The following ESRRB variants were observed in gnomAD, a reference collection of about 807,000 sequenced individuals.
ESRRB encodes the protein steroid hormone receptor ERR2.
Under a neutral mutation model 46.0 loss-of-function variants are expected in ESRRB, and 16 were observed. The observed-to-expected ratio is 0.35, with a 90% confidence interval of 0.24 to 0.53. ESRRB has a LOEUF of 0.53. Ranked by LOEUF, ESRRB falls within the 20% of genes least tolerant of loss-of-function variation. The probability of loss-of-function intolerance (pLI) is 0.93; values close to 1 mark genes in which losing one functional copy is unlikely to be tolerated. For missense variants in ESRRB, 488 were observed against 607.4 expected (o/e 0.80, Z 2.07); for synonymous variants, 246 against 259.6 (o/e 0.95, Z 0.50).
chr14:76,435,795 C>T (rs185728578), intron 1 of ESRRB, among the ~76,000 whole-genome samples: 1 of 152,324 alleles, frequency 6.6e-6, no homozygotes, highest in Non-Finnish European at 1.5e-5. Flanking sequence ...CACGCCATTG[C>T]ATTCTAGGCT....
At chr14:76,336,531 G>A (rs1453575867) in intron 1 of ESRRB, among the ~76,000 whole-genome samples, 1 of 152,244 alleles carries the variant, frequency 6.6e-6, no homozygotes, top group East Asian at 1.9e-4. Flanking sequence ...TGGGCTTTCA[G>A]ACCCCCTGGT....
At position 76,439,570 on chromosome 14, in the gene ESRRB, C is replaced by A; in HGVS notation, c.280C>A (p.Arg94Ser). The A allele has an allele frequency of 6.2e-7, 1 of 1,614,110 alleles. No homozygotes were observed. Among genetic ancestry groups the A allele is most frequent in the Non-Finnish European group, 8.5e-7 (1 of 1,180,006 alleles). ...CGCCGGGCTGGGAGGCACCCCATGC[C>A]GCAAGAGCTACGAGGACTGTGCCAG... ...AGAGLGGTPC[R>S]KSYEDCASGI... Residue 94 changes from arginine (R) to serine (S), a missense_variant, in exon 2 of 7, where the codon CGC becomes AGC. Coordinates refer to ENST00000644823, the MANE Select transcript of ESRRB (RefSeq NM_001379180.1).
At chr14:76,340,977 C>T in intron 1 of ESRRB, among the ~76,000 whole-genome samples, 1 of 152,192 alleles carries the variant, frequency 6.6e-6, no homozygotes, top group Non-Finnish European at 1.5e-5. Context: ...ATCATCCCTC[C>T]TCCCAGGGTT....
chr14:76,378,457 C>T (rs534102087), intron 1 of ESRRB, among the ~76,000 whole-genome samples: 1 of 152,210 alleles, frequency 6.6e-6, no homozygotes, highest in Non-Finnish European at 1.5e-5. Context: ...CATTTATAAA[C>T]TAAGCCTGAC....
At chr14:76,375,195 T>C (rs543003915), upstream of ESRRB, among the ~76,000 whole-genome samples, 15 of 152,042 alleles carry the variant, frequency 9.9e-5, 1 homozygote, top group South Asian at 3.1e-3. Flanking sequence ...AAATTGATTA[T>C]TATCCCTGTG....
In ESRRB at chr14:76,359,906, G is replaced by A. The variant is rs551587341; in HGVS notation, c.2+48990G>A. ...CAACTGACACAGCAGAAGCCCCAAAGGCTCACGTATCTGTTATGTCTGGGC... is the reference window on the plus strand; with the variant it reads ...CAACTGACACAGCAGAAGCCCCAAAAGCTCACGTATCTGTTATGTCTGGGC... On this transcript the variant is annotated intron_variant, in intron 1 of 6. Coordinates refer to the ESRRB transcript ENST00000512784. 1.2e-4 allele frequency among the ~76,000 whole-genome samples: 19 copies of A among 152,310 alleles called. 1 individual carries two copies. The South Asian group carries it at 3.1e-3, about 25-fold the overall frequency.
At chr14:76,474,267 A>G (rs1889486121) in intron 3 of ESRRB, among the ~76,000 whole-genome samples, 1 of 152,236 alleles carries the variant, frequency 6.6e-6, no homozygotes. Context: ...CAACAGGCAG[A>G]TGAAAGGCAA....
intron 5 of ESRRB, among the ~76,000 whole-genome samples, chr14:76,490,728 G>C (rs186697893): frequency 5.9e-5 from 9 of 152,300 alleles, no homozygotes; most frequent in Admixed American, 5.9e-4. Flanking sequence ...CAGGGAGGGG[G>C]GAACTAGCAT....
At chr14:76,395,781 T>C (rs1228124075) in intron 1 of ESRRB, among the ~76,000 whole-genome samples, 1 of 142,782 alleles carries the variant, frequency 7.0e-6, no homozygotes, top group African/African-American at 2.6e-5. Context: ...TAATTAGGAG[T>C]TATTATATAT....
At chr14:76,462,453 C>A in intron 2 of ESRRB, 92 bp from the exon 3 acceptor site, 1 of 933,802 alleles carries the variant, frequency 1.1e-6, no homozygotes, top group Non-Finnish European at 1.7e-6. Context: ...GCAGCTCTGG[C>A]AAATTAAAAT....
intron 2 of ESRRB, among the ~76,000 whole-genome samples, chr14:76,454,179 C>T (rs1888508115): frequency 6.6e-6 from 1 of 152,072 alleles, no homozygotes; most frequent in African/African-American, 2.4e-5. Flanking sequence ...CAAGAGGAGA[C>T]AATTGCATTT....
intron 3 of ESRRB, among the ~76,000 whole-genome samples, chr14:76,470,410 C>A (rs1313480032): frequency 6.6e-6 from 1 of 152,224 alleles, no homozygotes; most frequent in African/African-American, 2.4e-5. Flanking sequence ...GCTGGCAGCT[C>A]TGCCAAGCTT....
intron 1 of ESRRB, among the ~76,000 whole-genome samples, chr14:76,415,452 G>C (rs900846760): frequency 9.2e-5 from 14 of 152,140 alleles, no homozygotes; most frequent in Non-Finnish European, 1.9e-4. Flanking sequence ...ACGAGGTCAG[G>C]AGTTTGAGAC....
intron 1 of ESRRB, among the ~76,000 whole-genome samples, chr14:76,356,673 T>C (rs566204082): frequency 2.0e-5 from 3 of 152,288 alleles, no homozygotes; most frequent in African/African-American, 7.2e-5. Context: ...AACTCCAGAC[T>C]CATCCTATCC....
chr14:76,316,711 T>C (rs891736269), intron 1 of ESRRB, among the ~76,000 whole-genome samples: 1 of 152,030 alleles, frequency 6.6e-6, no homozygotes, highest in Non-Finnish European at 1.5e-5. Context: ...TTCTCTCCTC[T>C]CTGTCCCTCT....
At chr14:76,415,022 C>CA (rs1274781264) in intron 1 of ESRRB, among the ~76,000 whole-genome samples, 1 of 152,232 alleles carries the variant, frequency 6.6e-6, no homozygotes, top group Non-Finnish European at 1.5e-5. Context: ...GTCGCCCATC[C>CA]ATTCAATATC....
chr14:76,413,402 C>G (rs925111526), intron 1 of ESRRB, among the ~76,000 whole-genome samples: 8 of 152,192 alleles, frequency 5.3e-5, no homozygotes, highest in Non-Finnish European at 1.2e-4. Flanking sequence ...ACTGCTGTTC[C>G]CTATCTCTGT....
intron 1 of ESRRB, among the ~76,000 whole-genome samples, chr14:76,314,808 C>T (rs1399029098): frequency 1.3e-5 from 2 of 151,994 alleles, no homozygotes; most frequent in South Asian, 2.1e-4. Context: ...TCTCTCCCCT[C>T]CTACTCCAGG....
intron 1 of ESRRB, among the ~76,000 whole-genome samples, chr14:76,426,437 CT>C (rs1488068107): frequency 6.6e-6 from 1 of 152,216 alleles, no homozygotes; most frequent in African/African-American, 2.4e-5. Flanking sequence ...AATTAATTAA[CT>C]TTTGGTGAAC....
Sources: allele counts gnomAD v4.1 joint callset (sites outside exome capture counted in the v4.1 genomes callset), GRCh38; gene constraint gnomAD v4.1.1; transcripts MANE v1.5; gene names NCBI Gene and HGNC (gene_info 2026-07-23, HGNC 2026-07-21).